Variants in ADAMTS17 observed in about 807,000 individuals in gnomAD.
ADAMTS17 encodes the protein A disintegrin and metalloproteinase with thrombospondin motifs 17.
ADAMTS17 carries 113 observed loss-of-function variants against 141.5 expected under a neutral mutation model. The ratio of observed to expected loss-of-function variants is 0.80; its 90% confidence interval spans 0.69 to 0.93. The LOEUF (loss-of-function observed/expected upper bound fraction) is 0.93, where lower values mean the gene tolerates loss of function less well. ADAMTS17 is among the 40% of genes least tolerant of loss of function. The pLI is 0.00. For synonymous variants in ADAMTS17, 768 were observed against 630.6 expected, an observed-to-expected ratio of 1.22 and a Z score of -3.27; for missense variants, 1,659 against 1,517.9, an observed-to-expected ratio of 1.09 and a Z score of -1.54.
Position 100,039,768 on chromosome 15 carries a change from A to G in ADAMTS17, c.2591+9089T>C, listed in dbSNP as rs77651474. Among the ~76,000 whole-genome samples the G allele has an allele frequency of 1.1e-4, 16 of 152,268 alleles. No homozygotes were observed. In the East Asian group the frequency reaches 3.1e-3, roughly 29 times the overall value. ...GTTGGTTTATACTGTTAAGTCTTCT[A>G]TTTCCTTGTTGATACACCTTGTTTT... On this transcript the variant is annotated intron_variant, in intron 18 of 21. Coordinates refer to ENST00000268070, the MANE Select transcript of ADAMTS17 (RefSeq NM_139057.4).
intron 8 of ADAMTS17, among the ~76,000 whole-genome samples, chr15:100,192,422 C>A (rs2040953699): frequency 6.6e-6 from 1 of 152,246 alleles, no homozygotes; most frequent in South Asian, 2.1e-4. Flanking sequence ...AGGCCAACCC[C>A]TATGTGAACA....
intron 17 of ADAMTS17, among the ~76,000 whole-genome samples, chr15:100,051,169 G>A (rs995421136): frequency 1.3e-5 from 2 of 152,218 alleles, no homozygotes; most frequent in Non-Finnish European, 2.9e-5. Context: ...CTGGAGTGAG[G>A]TGACTGTGGC....
intron 15 of ADAMTS17, among the ~76,000 whole-genome samples, chr15:100,076,829 T>C (rs887049506): frequency 6.6e-6 from 1 of 152,236 alleles, no homozygotes; most frequent in Non-Finnish European, 1.5e-5. Flanking sequence ...TTTGTCTCAA[T>C]TCTATGTTAG....
rs769308253 is a variant in ADAMTS17 at position 100,116,847 on chromosome 15, C to T, written c.1888G>A (p.Asp630Asn). ...KGLLTAVVVD[D>N]KPCELYCSPL... ...GCAAGGACATGCCATATGCCTTTAC[C>T]GTCAACCACCACGGCTGTCAGCAGG... The change falls in exon 13 of 22, where the codon GAT becomes AAT. Residue 630 changes from aspartate to asparagine, a missense_variant and splice_region_variant. Physicochemically the swap from Asp to Asn is conservative, Grantham distance 23. Coordinates refer to ENST00000268070, the MANE Select transcript of ADAMTS17 (RefSeq NM_139057.4). 7.4e-6 allele frequency: 12 copies of T among 1,613,978 alleles called. No homozygotes were observed. In the Admixed American group the frequency reaches 1.3e-4, roughly 18 times the overall value.
intron 14 of ADAMTS17, among the ~76,000 whole-genome samples, chr15:100,101,087 C>T (rs769571244): frequency 6.6e-5 from 10 of 152,198 alleles, no homozygotes; most frequent in South Asian, 2.1e-4. Context: ...TGCCAGCCTC[C>T]GCCCTCGTCT....
At chr15:100,164,771 C>T (rs1012246889) in intron 8 of ADAMTS17, among the ~76,000 whole-genome samples, 1 of 152,262 alleles carries the variant, frequency 6.6e-6, no homozygotes, top group African/African-American at 2.4e-5. Flanking sequence ...GAGAACAACA[C>T]GTCTGTTCTA....
intron 8 of ADAMTS17, among the ~76,000 whole-genome samples, chr15:100,159,541 C>T (rs370368769): frequency 1.3e-5 from 2 of 152,168 alleles, no homozygotes; most frequent in African/African-American, 4.8e-5. Flanking sequence ...ATGAGCAGGT[C>T]TTCTGAAAGT....
intron 3 of ADAMTS17, chr15:100,305,754 C>T (rs2045202612): frequency 6.6e-6 from 1 of 152,342 alleles, no homozygotes. Flanking sequence ...CATGGTGGCT[C>T]ACACCTGTAA....
chr15:100,044,912 ATTC>A (rs1339209377), intron 18 of ADAMTS17, among the ~76,000 whole-genome samples: 2 of 151,910 alleles, frequency 1.3e-5, no homozygotes, highest in African/African-American at 4.8e-5. Flanking sequence ...GGTTCAAGCA[ATTC>A]TTCTGCCTCA....
At position 100,169,005 on chromosome 15, in the gene ADAMTS17, G is replaced by A. The variant is rs572972655; in HGVS notation, c.1182-13685C>T. Among the ~76,000 whole-genome samples the A allele has an allele frequency of 1.6e-4, 25 of 152,290 alleles. 1 individual carries two copies. The South Asian group carries it at 4.3e-3, about 26-fold the overall frequency. On this transcript the variant is annotated intron_variant, in intron 8 of 21. Coordinates refer to ENST00000268070, the MANE Select transcript of ADAMTS17 (RefSeq NM_139057.4). ...TGTTGGGCATCGTGGTGGCCAGCGCGGTGGTGGTGGGGGCAGGCACGGTAA... is the reference window on the plus strand; with the variant it reads ...TGTTGGGCATCGTGGTGGCCAGCGCAGTGGTGGTGGGGGCAGGCACGGTAA...
At chr15:100,082,076 T>C (rs1039247999) in intron 15 of ADAMTS17, among the ~76,000 whole-genome samples, 3 of 152,348 alleles carry the variant, frequency 2.0e-5, no homozygotes, top group African/African-American at 4.8e-5. Flanking sequence ...TTTTTTGTTT[T>C]CTTTGAGACC....
At chr15:100,232,066 A>G (rs1041533581) in intron 7 of ADAMTS17, among the ~76,000 whole-genome samples, 3 of 152,220 alleles carry the variant, frequency 2.0e-5, no homozygotes, top group African/African-American at 7.2e-5. Flanking sequence ...GAATTGTCTT[A>G]GTGTCAAGAC....
At chr15:100,247,161 A>C (rs1410985608) in intron 7 of ADAMTS17, among the ~76,000 whole-genome samples, 1 of 152,156 alleles carries the variant, frequency 6.6e-6, no homozygotes, top group Non-Finnish European at 1.5e-5. Context: ...TGCTGAGATT[A>C]CTGGCATGAA....
chr15:100,278,044 A>T (rs950795466), intron 4 of ADAMTS17, among the ~76,000 whole-genome samples: 2 of 152,262 alleles, frequency 1.3e-5, no homozygotes, highest in Admixed American at 1.3e-4. Flanking sequence ...TTTGTCCACA[A>T]AAGGATAAAT....
chr15:100,209,205 C>A (rs1468383343), intron 7 of ADAMTS17, among the ~76,000 whole-genome samples: 1 of 151,504 alleles, frequency 6.6e-6, no homozygotes, highest in Non-Finnish European at 1.5e-5. Context: ...CCAGCAAAGC[C>A]CATTCTTTGG....
intron 15 of ADAMTS17, among the ~76,000 whole-genome samples, chr15:100,089,531 A>G (rs1740210030): frequency 6.6e-6 from 1 of 151,514 alleles, no homozygotes; most frequent in African/African-American, 2.4e-5. Context: ...ACACATGCAC[A>G]CATATGTTTA....
At chr15:100,082,972 G>A (rs2034854423) in intron 15 of ADAMTS17, among the ~76,000 whole-genome samples, 1 of 152,054 alleles carries the variant, frequency 6.6e-6, no homozygotes, top group Admixed American at 6.6e-5. Flanking sequence ...TCCTAGAGGT[G>A]CTGTGTTGTG....
At chr15:100,027,780 C>T (rs1022027556) in intron 18 of ADAMTS17, among the ~76,000 whole-genome samples, 1 of 152,220 alleles carries the variant, frequency 6.6e-6, no homozygotes, top group Non-Finnish European at 1.5e-5. Flanking sequence ...AGCTTTGATA[C>T]TCGAAGGATA....
chr15:100,261,850 T>C (rs960271257), intron 5 of ADAMTS17, among the ~76,000 whole-genome samples: 6 of 152,188 alleles, frequency 3.9e-5, no homozygotes, highest in African/African-American at 4.8e-5. Context: ...AAGTGAAGAC[T>C]ATGCTGTTTT....
Sources: gnomAD v4.1 joint callset for allele counts (sites outside exome capture counted in the v4.1 genomes callset) on GRCh38, gnomAD v4.1.1 for gene constraint, MANE v1.5 for transcripts, NCBI Gene and HGNC (gene_info 2026-07-23, HGNC 2026-07-21) for gene names.